Variants in SYNPR observed in about 807,000 individuals in gnomAD.
The protein encoded by SYNPR is synaptoporin.
In SYNPR, 23 loss-of-function variants were observed where a neutral mutation model predicts 32.9. The observed-to-expected ratio is 0.70, with a 90% CI of 0.50 to 0.99. SYNPR has a LOEUF of 0.99. SYNPR is among the 50% of genes least tolerant of loss of function. The probability of loss-of-function intolerance (pLI) is 0.00; values close to 1 mark genes in which losing one functional copy is unlikely to be tolerated. For synonymous variants in SYNPR, 146 were observed against 135.9 expected, an observed-to-expected ratio of 1.07 and a Z score of -0.52; for missense variants, 318 against 349.3, an observed-to-expected ratio of 0.91 and a Z score of 0.71.
chr3:63,286,329 A>G (rs541453324), intron 2 of SYNPR, among the ~76,000 whole-genome samples: 1 of 152,334 alleles, frequency 6.6e-6, no homozygotes, highest in Admixed American at 6.5e-5. Context: ...GGTCTTTCTC[A>G]AATAACAATC....
At position 63,347,854 on chromosome 3, in the gene SYNPR, G is replaced by A. The variant is rs143868588; in HGVS notation, c.84+69112G>A. Among the ~76,000 whole-genome samples the A allele has an allele frequency of 3.0e-3, 458 of 151,450 alleles. 2 individuals are homozygous for A. The highest frequency in any genetic ancestry group is 0.011 in the African/African-American group (443 of 41,242). On this transcript the variant is annotated intron_variant, in intron 2 of 5. Transcript: ENST00000478300. The stretch of plus-strand genomic sequence containing the variant: ...TTCCATTGTGTGTGTGTCTGCGTGT[G>A]TATGGCTGAATAGTATTCCATTGTG...
At chr3:63,565,175 A>T (rs1366205325) in intron 4 of SYNPR, among the ~76,000 whole-genome samples, 1 of 152,160 alleles carries the variant, frequency 6.6e-6, no homozygotes, top group Non-Finnish European at 1.5e-5. Context: ...TTCCTTTCTC[A>T]GACAGACCAG....
At chr3:63,292,851 G>A (rs1416353813) in intron 2 of SYNPR, among the ~76,000 whole-genome samples, 3 of 152,126 alleles carry the variant, frequency 2.0e-5, no homozygotes, top group African/African-American at 4.8e-5. Flanking sequence ...GCAGTTCTAC[G>A]TAACTGGAAT....
chr3:63,283,206 T>C (rs1390656602), intron 2 of SYNPR, among the ~76,000 whole-genome samples: 1 of 152,226 alleles, frequency 6.6e-6, no homozygotes, highest in African/African-American at 2.4e-5. Flanking sequence ...ACCTTTAATG[T>C]CATCTTCTAC....
chr3:63,564,280 A>G (rs1476389482), intron 4 of SYNPR, among the ~76,000 whole-genome samples: 1 of 148,448 alleles, frequency 6.7e-6, no homozygotes, highest in Non-Finnish European at 1.5e-5. Flanking sequence ...CACTGCAACC[A>G]CTGCCTCCTG....
intron 2 of SYNPR, among the ~76,000 whole-genome samples, chr3:63,366,934 C>T (rs1452912015): frequency 1.3e-5 from 2 of 152,206 alleles, no homozygotes; most frequent in African/African-American, 4.8e-5. Flanking sequence ...TAAACATTAG[C>T]TGATAGACCA....
intron 2 of SYNPR, among the ~76,000 whole-genome samples, chr3:63,425,932 G>A (rs1311891446): frequency 6.6e-6 from 1 of 151,810 alleles, no homozygotes; most frequent in Non-Finnish European, 1.5e-5. Flanking sequence ...ACAGGCATGC[G>A]CCACCACGCC....
intron 2 of SYNPR, among the ~76,000 whole-genome samples, chr3:63,321,598 A>G (rs2087111497): frequency 6.6e-6 from 1 of 152,092 alleles, no homozygotes; most frequent in African/African-American, 2.4e-5. Flanking sequence ...TCTGTACTTT[A>G]TTCTCTCTAT....
intron 3 of SYNPR, among the ~76,000 whole-genome samples, chr3:63,498,144 G>A (rs1038202513): frequency 1.3e-5 from 2 of 151,988 alleles, no homozygotes; most frequent in African/African-American, 4.8e-5. Flanking sequence ...TAGGGTGCTT[G>A]CCCTCAGCAA....
At chr3:63,422,059 A>T (rs1699810003) in intron 2 of SYNPR, among the ~76,000 whole-genome samples, 1 of 152,212 alleles carries the variant, frequency 6.6e-6, no homozygotes, top group Non-Finnish European at 1.5e-5. Context: ...TTGCCACATA[A>T]TGTAGGCTAA....
chr3:63,530,673 G>A (rs541823519), intron 3 of SYNPR, among the ~76,000 whole-genome samples: 1 of 152,260 alleles, frequency 6.6e-6, no homozygotes, highest in Non-Finnish European at 1.5e-5. Context: ...TCATTCAGAA[G>A]CTCTGCGGTG....
At chr3:63,244,810 G>T (rs1205818395) in intron 1 of SYNPR, among the ~76,000 whole-genome samples, 2 of 152,060 alleles carry the variant, frequency 1.3e-5, no homozygotes, top group African/African-American at 4.8e-5. Flanking sequence ...TTCGCTGTCT[G>T]CACGGCTTTT....
the SYNPR span, chr3:63,203,482 A>C: frequency 2.6e-5 from 4 of 152,132 alleles, no homozygotes; most frequent in Non-Finnish European, 4.4e-5. Context: ...TGAATCTGCC[A>C]ATGCCACAGA....
chr3:63,382,023 AT>A (rs1307008152), intron 2 of SYNPR, among the ~76,000 whole-genome samples: 3 of 152,178 alleles, frequency 2.0e-5, no homozygotes, highest in Admixed American at 6.5e-5. Flanking sequence ...CCAGTTTATA[AT>A]TTTTTTAAAC....
At chr3:63,211,325 C>A in the SYNPR span, among the ~76,000 whole-genome samples, 1 of 152,242 alleles carries the variant, frequency 6.6e-6, no homozygotes, top group East Asian at 1.9e-4. Context: ...CCTCAGCCTC[C>A]CAAACTGCTG....
chr3:63,229,595 C>T (rs994801294), intron 1 of SYNPR, among the ~76,000 whole-genome samples: 1 of 152,086 alleles, frequency 6.6e-6, no homozygotes, highest in African/African-American at 2.4e-5. Flanking sequence ...CATTCAGAAC[C>T]AGAAATTGGA....
intron 2 of SYNPR, among the ~76,000 whole-genome samples, chr3:63,257,878 A>G (rs1303422717): frequency 6.6e-6 from 1 of 152,218 alleles, no homozygotes; most frequent in African/African-American, 2.4e-5. Context: ...AGGAAGATCT[A>G]CCAAGCAAAT....
chr3:63,267,881 A>G (rs556226325), intron 3 of SYNPR, among the ~76,000 whole-genome samples: 33 of 152,274 alleles, frequency 2.2e-4, no homozygotes, highest in African/African-American at 7.7e-4. Flanking sequence ...TCCCTCCCTG[A>G]GTCCCCTGCT....
intron 2 of SYNPR, among the ~76,000 whole-genome samples, chr3:63,363,332 ATC>A (rs2087686594): frequency 1.3e-5 from 2 of 152,180 alleles, no homozygotes; most frequent in African/African-American, 4.8e-5. Context: ...TTTATGCATA[ATC>A]TCTCTTGCAT....
Sources: allele counts gnomAD v4.1 joint callset (sites outside exome capture counted in the v4.1 genomes callset), GRCh38; gene constraint gnomAD v4.1.1; transcripts MANE v1.5; gene names NCBI Gene and HGNC (gene_info 2026-07-23, HGNC 2026-07-21).